Variants in TRPC5 observed in about 807,000 individuals in gnomAD.
TRPC5 encodes short transient receptor potential channel 5.
TRPC5 carries 9 observed loss-of-function variants against 56.5 expected under a neutral mutation model. The ratio of observed to expected loss-of-function variants is 0.16; its 90% CI spans 0.10 to 0.28. TRPC5 has a LOEUF of 0.28. Ranked by LOEUF, TRPC5 falls within the 10% of genes least tolerant of loss-of-function variation. TRPC5 has a pLI of 1.00. For synonymous variants in TRPC5, 282 were observed against 278.5 expected (o/e 1.01, Z -0.13); for missense variants, 469 against 748.9 (o/e 0.63, Z 4.36).
intron 3 of TRPC5, chrX:111,902,023 G>A: frequency 8.7e-7 from 1 of 1,155,701 alleles, no homozygotes; most frequent in Non-Finnish European, 1.1e-6. Flanking sequence ...TTCCCGAGGA[G>A]CCTTCGCTAC....
chrX:111,868,572 A>G (rs1345649488), intron 3 of TRPC5, among the ~76,000 whole-genome samples: 1 of 112,509 alleles, frequency 8.9e-6, no homozygotes, highest in Non-Finnish European at 1.9e-5. Context: ...GGTTCTCTAA[A>G]GTAATTGGCA....
intron 3 of TRPC5, among the ~76,000 whole-genome samples, chrX:111,887,225 G>C (rs1259012586): frequency 8.9e-6 from 1 of 112,661 alleles, no homozygotes; most frequent in African/African-American, 3.2e-5. Context: ...GCCAGAGGAA[G>C]GCAGAGCTAG....
At chrX:111,888,922 G>T (rs1159064784) in intron 3 of TRPC5, among the ~76,000 whole-genome samples, 1 of 111,146 alleles carries the variant, frequency 9.0e-6, no homozygotes, top group Non-Finnish European at 1.9e-5. Context: ...GGCCTGAGTA[G>T]TTAGAAGGAT....
chrX:112,001,066 A>T (rs1326021951), intron 1 of TRPC5, among the ~76,000 whole-genome samples: 1 of 112,560 alleles, frequency 8.9e-6, no homozygotes, highest in African/African-American at 3.2e-5. Flanking sequence ...ACCAATTTAT[A>T]TTCAGAATCA....
At chrX:111,836,114 A>G (rs1374021003) in intron 6 of TRPC5, among the ~76,000 whole-genome samples, 1 of 111,410 alleles carries the variant, frequency 9.0e-6, no homozygotes, top group African/African-American at 3.3e-5. Flanking sequence ...CCCTTCCAAA[A>G]CCACTATATT....
intron 1 of TRPC5, among the ~76,000 whole-genome samples, chrX:111,957,217 CTTTTTG>C (rs1316981115): frequency 9.0e-6 from 1 of 110,766 alleles, no homozygotes; most frequent in African/African-American, 3.3e-5. Context: ...TATACTGTGG[CTTTTTG>C]TTTTTTAGTC....
chrX:112,043,492 A>G (rs184423006), intron 1 of TRPC5, among the ~76,000 whole-genome samples: 32 of 111,313 alleles, frequency 2.9e-4, no homozygotes, highest in African/African-American at 9.1e-4. Flanking sequence ...TGAAATTTAC[A>G]TGTGATAAAC....
At chrX:111,815,979 A>G (rs1921850469) in intron 7 of TRPC5, among the ~76,000 whole-genome samples, 2 of 111,647 alleles carry the variant, frequency 1.8e-5, no homozygotes, top group African/African-American at 6.5e-5. Context: ...GAACAAAGAC[A>G]GAATAAACAA....
chrX:112,020,133 T>C (rs1929235145), intron 1 of TRPC5, among the ~76,000 whole-genome samples: 1 of 111,878 alleles, frequency 8.9e-6, no homozygotes, highest in Non-Finnish European at 1.9e-5. Flanking sequence ...GCTCAAGCAA[T>C]CCTCCTGCCT....
chrX:111,869,227 A>C (rs1034397974), intron 3 of TRPC5, among the ~76,000 whole-genome samples: 4 of 110,497 alleles, frequency 3.6e-5, no homozygotes, highest in Admixed American at 9.7e-5. Flanking sequence ...GTTTAGGTCC[A>C]GATAATGATT....
chrX:111,965,786 G>C (rs1569528777), intron 1 of TRPC5, among the ~76,000 whole-genome samples: 1 of 111,529 alleles, frequency 9.0e-6, no homozygotes, highest in East Asian at 2.8e-4. Context: ...CGAGAACAAA[G>C]ACACAACATA....
Position 111,873,648 on chromosome X carries a change from G to A in TRPC5, c.901-19542C>T, listed in dbSNP as rs186108223. 1.4e-3 allele frequency among the ~76,000 whole-genome samples: 158 copies of A among 110,460 alleles called. 1 individual carries two copies. Among genetic ancestry groups the A allele is most frequent in the African/African-American group, 5.0e-3 (153 of 30,335 alleles). ...AAATACAAAACATTAGCTGGGTGTG[G>A]TGGTGAGTGCCTGTAATCCCAGCTA... is the stretch of plus-strand genomic sequence containing the variant. On this transcript the variant is annotated intron_variant, in intron 3 of 10. Transcript: ENST00000262839.
At chrX:111,892,637 G>C (rs1569527530) in intron 3 of TRPC5, among the ~76,000 whole-genome samples, 1 of 111,987 alleles carries the variant, frequency 8.9e-6, no homozygotes, top group East Asian at 2.8e-4. Context: ...TACAGTCTTT[G>C]ATTGTTCTTA....
intron 1 of TRPC5, among the ~76,000 whole-genome samples, chrX:112,066,805 C>T (rs774001786): frequency 2.7e-5 from 3 of 112,236 alleles, no homozygotes; most frequent in Non-Finnish European, 5.6e-5. Flanking sequence ...TACAAAGAAA[C>T]TTAAATTTCT....
intron 1 of TRPC5, among the ~76,000 whole-genome samples, chrX:111,996,817 T>A (rs1445730940): frequency 2.7e-5 from 3 of 111,179 alleles, no homozygotes; most frequent in African/African-American, 6.5e-5. Flanking sequence ...TTTTTTTGTT[T>A]TGTTTTGTTT....
At chrX:111,910,688 C>T (rs900155556) in intron 3 of TRPC5, among the ~76,000 whole-genome samples, 3 of 111,376 alleles carry the variant, frequency 2.7e-5, no homozygotes, top group Non-Finnish European at 3.8e-5. Flanking sequence ...CCTGCCACCA[C>T]GCCCAGCTAA....
intron 1 of TRPC5, among the ~76,000 whole-genome samples, chrX:111,962,488 G>T (rs536331966): frequency 1.8e-5 from 2 of 112,326 alleles, no homozygotes; most frequent in Admixed American, 1.9e-4. Context: ...ACCAGAATTC[G>T]AAGTGGAGCC....
chrX:112,024,086 A>G (rs895623229), intron 1 of TRPC5, among the ~76,000 whole-genome samples: 1 of 111,708 alleles, frequency 9.0e-6, no homozygotes, highest in Admixed American at 9.5e-5. Flanking sequence ...TGGTCATTCT[A>G]TGAGTGGAAG....
At chrX:111,847,958 G>T (rs1482866684) in intron 5 of TRPC5, among the ~76,000 whole-genome samples, 1 of 111,559 alleles carries the variant, frequency 9.0e-6, no homozygotes, top group Non-Finnish European at 1.9e-5. Context: ...TCACTCCCTT[G>T]CTGACTGCAG....
Sources: gnomAD v4.1 joint callset for allele counts (sites outside exome capture counted in the v4.1 genomes callset) on GRCh38, gnomAD v4.1.1 for gene constraint, MANE v1.5 for transcripts, NCBI Gene and HGNC (gene_info 2026-07-23, HGNC 2026-07-21) for gene names.